The following DUSP10 variants were observed in gnomAD, a reference collection of about 807,000 sequenced individuals.
DUSP10 encodes the protein dual specificity phosphatase 10.
A neutral mutation model predicts 30.8 loss-of-function variants in DUSP10; 14 were observed. The ratio of observed to expected loss-of-function variants is 0.46; its 90% CI spans 0.30 to 0.71. The LOEUF (loss-of-function observed/expected upper bound fraction) is 0.71. Among genes scored for constraint, DUSP10 ranks in the 30% least tolerant of loss-of-function variants. DUSP10 has a pLI of 0.08. For missense variants in DUSP10, 550 were observed against 619.4 expected (o/e 0.89, Z 1.19); for synonymous variants, 254 against 250.4 (o/e 1.01, Z -0.14).
chr1:221,733,733 T>A (rs1384019898), intron 2 of DUSP10, among the ~76,000 whole-genome samples: 5 of 152,224 alleles, frequency 3.3e-5, no homozygotes, highest in Admixed American at 6.5e-5. Context: ...ACCTGGCCTC[T>A]GAGAGGCCCC....
chr1:221,702,205 G>A lies in DUSP10; in HGVS notation c.*207C>T, dbSNP rs769301415. ...ATTACTTCTTTAACCTCCTTAATTT[G>A]TCAGTTTGTGGGAGGTGAATCTCAA... On this transcript the variant is annotated 3_prime_UTR_variant, in exon 4 of 4. Coordinates refer to ENST00000366899, the MANE Select transcript of DUSP10 (RefSeq NM_007207.6). The surrounding 1 kb of genome is among the most constrained non-coding windows in gnomAD (Gnocchi z 4.5). 1.2e-5 allele frequency: 7 copies of A among 564,436 alleles called. No individual in the cohort carries two copies. The highest frequency in any genetic ancestry group is 3.4e-5 in the Admixed American group (1 of 29,192). 35.0% of individuals were successfully genotyped at this position (564,436 alleles called of 1,614,324 possible).
At chr1:221,719,524 G>A (rs1661215953) in intron 2 of DUSP10, among the ~76,000 whole-genome samples, 1 of 152,148 alleles carries the variant, frequency 6.6e-6, no homozygotes, top group Non-Finnish European at 1.5e-5. Flanking sequence ...TGAGATTAGG[G>A]GGAAAACAAA....
At chr1:221,709,110 A>T (rs1186669665) in intron 2 of DUSP10, among the ~76,000 whole-genome samples, 1 of 152,084 alleles carries the variant, frequency 6.6e-6, no homozygotes, top group African/African-American at 2.4e-5. Flanking sequence ...CAATGACATC[A>T]GCTGGAGGCT....
At chr1:221,741,120 G>A (rs565196248) in intron 1 of DUSP10, among the ~76,000 whole-genome samples, 140 of 152,236 alleles carry the variant, frequency 9.2e-4, no homozygotes, top group African/African-American at 3.2e-3. Flanking sequence ...CGCACACGGG[G>A]CACGCACCCA....
intron 2 of DUSP10, among the ~76,000 whole-genome samples, chr1:221,720,186 A>T (rs1488758545): frequency 6.6e-6 from 1 of 152,200 alleles, no homozygotes; most frequent in Non-Finnish European, 1.5e-5. Context: ...GTGTTTTCTG[A>T]ATGCCAATGA....
In DUSP10 at chr1:221,708,919, A is replaced by G. The variant is rs113588272; in HGVS notation, c.812-2453T>C. ...GGAAGAACAATAAAACAAATTCAAA[A>G]GAAGGCTCTAAAAGCAGGGGAAAAA... On this transcript the variant is annotated intron_variant, in intron 2 of 3. Coordinates refer to ENST00000366899, the MANE Select transcript of DUSP10 (RefSeq NM_007207.6). Among the ~76,000 whole-genome samples, 361 of 152,176 alleles carry G rather than the reference A, an allele frequency of 2.4e-3. 3 individuals carry two copies. Among genetic ancestry groups the G allele is most frequent in the African/African-American group, 7.9e-3 (327 of 41,512 alleles).
chr1:221,731,600 CTTTT>C (rs917122714), intron 2 of DUSP10, among the ~76,000 whole-genome samples: 332 of 119,228 alleles, frequency 2.8e-3, no homozygotes, highest in African/African-American at 0.01. Flanking sequence ...TAGGCTATTT[CTTTT>C]TTTTTTTTTT....
chr1:221,736,203 A>C (rs1333208734), intron 2 of DUSP10, among the ~76,000 whole-genome samples: 1 of 152,162 alleles, frequency 6.6e-6, no homozygotes, highest in African/African-American at 2.4e-5. Context: ...AAAAATGGAG[A>C]GTATGGCATG....
rs201930163 is a variant in DUSP10, at chr1:221,706,065, G to A, written c.1183+30C>T. 500 of 1,591,994 alleles carry A rather than the reference G, an allele frequency of 3.1e-4. 1 individual carries two copies. The highest frequency in any genetic ancestry group is 3.9e-4 in the Non-Finnish European group (460 of 1,166,434). On this transcript the variant is annotated intron_variant, in intron 3 of 3. Coordinates refer to ENST00000366899, the MANE Select transcript of DUSP10 (RefSeq NM_007207.6). The surrounding 1 kb of genome is among the most constrained non-coding windows in gnomAD (Gnocchi z 4.6). ...GAGCTGGAGGGAAAAGGAAGGCAGC[G>A]GATGAAAATTCCCTATGGGAGATAG... is the stretch of plus-strand genomic sequence containing the variant.
intron 1 of DUSP10, among the ~76,000 whole-genome samples, chr1:221,740,569 G>A (rs1458709381): frequency 6.6e-6 from 1 of 152,138 alleles, no homozygotes; most frequent in East Asian, 1.9e-4. Flanking sequence ...CTCACCCTTT[G>A]CTCTCTCACC....
intron 2 of DUSP10, among the ~76,000 whole-genome samples, chr1:221,731,701 C>G (rs901570647): frequency 6.6e-6 from 1 of 150,504 alleles, no homozygotes; most frequent in African/African-American, 2.5e-5. Flanking sequence ...CTCCACCTCC[C>G]GGGTTCAAGC....
chr1:221,737,559 T>G, intron 2 of DUSP10: 5 of 690,534 alleles, frequency 7.2e-6, no homozygotes, highest in Non-Finnish European at 8.9e-6. Flanking sequence ...AGGAAATGTC[T>G]AGAAGCTTCT....
chr1:221,705,195 C>T (rs181390380), intron 3 of DUSP10, among the ~76,000 whole-genome samples: 74 of 151,516 alleles, frequency 4.9e-4, no homozygotes, highest in African/African-American at 1.7e-3. Flanking sequence ...CTGCAACCTC[C>T]GCTTCCCAGG....
chr1:221,739,872 G>A, intron 1 of DUSP10, 85 bp from the exon 2 acceptor site: 1 of 1,378,664 alleles, frequency 7.3e-7, no homozygotes, highest in Non-Finnish European at 9.5e-7. Flanking sequence ...AAAGACCTTT[G>A]CATCCCTCTG....
In DUSP10 at chr1:221,702,620, C is replaced by T. The variant is rs1460603066; in HGVS notation, c.1241G>A (p.Arg414His). The T allele has an allele frequency of 6.8e-6, 11 of 1,614,040 alleles. No individual in the cohort carries two copies. Among genetic ancestry groups the T allele is most frequent in the Non-Finnish European group, 9.3e-6 (11 of 1,180,016 alleles). ...LLIHCQAGVS[R>H]SATIVIAYLM... ...GTAAGCGATGACGATGGTGGCGGAG[C>T]GGGACACCCCAGCCTGGCAGTGGAT... The change falls in exon 4 of 4, where the codon CGC becomes CAC. Residue 414 changes from arginine to histidine, a missense_variant. Physicochemically the swap from Arg to His is conservative, Grantham distance 29 (BLOSUM62 0). Transcript: ENST00000366899. The surrounding 1 kb of genome is among the most constrained non-coding windows in gnomAD (Gnocchi z 4.5).
At chr1:221,710,519 T>C (rs989076166) in intron 2 of DUSP10, among the ~76,000 whole-genome samples, 2 of 144,988 alleles carry the variant, frequency 1.4e-5, no homozygotes, top group African/African-American at 5.6e-5. Context: ...GAAACTACCA[T>C]TTTAAAGATC....
chr1:221,741,242 A>G (rs1436901038), intron 1 of DUSP10, among the ~76,000 whole-genome samples: 1 of 152,188 alleles, frequency 6.6e-6, no homozygotes, highest in Non-Finnish European at 1.5e-5. Context: ...AGCGAGTTCT[A>G]TTCCAGAAGC....
At chr1:221,723,743 G>A (rs1241999654) in intron 2 of DUSP10, among the ~76,000 whole-genome samples, 1 of 152,216 alleles carries the variant, frequency 6.6e-6, no homozygotes, top group African/African-American at 2.4e-5. Flanking sequence ...GGAGCTTCTA[G>A]GCCCTCTCCT....
chr1:221,703,135 G>A (rs1158352127), intron 3 of DUSP10, among the ~76,000 whole-genome samples: 6 of 151,856 alleles, frequency 4.0e-5, no homozygotes, highest in African/African-American at 7.3e-5. Context: ...AGAGAGGAAG[G>A]GGAAAAATTA....
Sources: gnomAD v4.1 joint callset for allele counts (sites outside exome capture counted in the v4.1 genomes callset) on GRCh38, gnomAD v4.1.1 for gene constraint, Gnocchi (gnomAD v3.1) non-coding constraint, MANE v1.5 for transcripts, NCBI Gene and HGNC (gene_info 2026-07-23, HGNC 2026-07-21) for gene names.